The following WHRN variants were observed in gnomAD, a reference collection of about 807,000 sequenced individuals.
WHRN encodes whirlin, also known as CASK-interacting protein CIP98.
In WHRN, 41 loss-of-function variants were observed where a neutral mutation model predicts 68.3. The observed-to-expected ratio is 0.60, with a 90% CI of 0.47 to 0.78. The LOEUF (loss-of-function observed/expected upper bound fraction) is 0.78. WHRN is among the 30% of genes least tolerant of loss of function. The pLI is 0.00. For synonymous variants in WHRN, 560 were observed against 561.3 expected (o/e 1.00, Z 0.03); for missense variants, 1,243 against 1,244.7 (o/e 1.00, Z 0.02).
intron 1 of WHRN, among the ~76,000 whole-genome samples, chr9:114,489,225 A>C (rs1283162398): frequency 6.6e-6 from 1 of 152,214 alleles, no homozygotes; most frequent in Non-Finnish European, 1.5e-5. Flanking sequence ...TGTATCAATA[A>C]ATAGAAAACA....
chr9:114,485,144 G>T (rs1235859336), intron 1 of WHRN, among the ~76,000 whole-genome samples: 1 of 152,208 alleles, frequency 6.6e-6, no homozygotes, highest in East Asian at 1.9e-4. Flanking sequence ...TCAGGGTGCA[G>T]ACCTCAAAGG....
intron 3 of WHRN, among the ~76,000 whole-genome samples, chr9:114,458,715 T>C (rs537215306): frequency 6.6e-6 from 1 of 152,244 alleles, no homozygotes; most frequent in South Asian, 2.1e-4. Context: ...CATCAGCACC[T>C]AGATCTGTGT....
chr9:114,468,778 G>A (rs749569706), intron 2 of WHRN, among the ~76,000 whole-genome samples: 6 of 152,134 alleles, frequency 3.9e-5, no homozygotes, highest in Non-Finnish European at 8.8e-5. Flanking sequence ...AGGCTCTGCG[G>A]ACACTTGGGA....
chr9:114,468,253 G>A (rs1840894371), intron 2 of WHRN, among the ~76,000 whole-genome samples: 1 of 152,228 alleles, frequency 6.6e-6, no homozygotes, highest in Non-Finnish European at 1.5e-5. Context: ...GCCCCTAGCA[G>A]ATGCTCAGTA....
intron 1 of WHRN, among the ~76,000 whole-genome samples, chr9:114,480,231 C>T (rs1228539582): frequency 6.6e-6 from 1 of 151,990 alleles, no homozygotes; most frequent in East Asian, 1.9e-4. Context: ...TGAGGTCTGC[C>T]ATATTGCTTC....
In WHRN at chr9:114,505,028, G is replaced by T. The variant is rs1844283321; in HGVS notation, c.-227C>A. The T allele has an allele frequency of 1.8e-6, 1 of 551,268 alleles. No individual in the cohort carries two copies. Among genetic ancestry groups the T allele is most frequent in the African/African-American group, 2.0e-5 (1 of 50,316 alleles). The allele number at this position is 551,268 out of a possible 1,614,324, so 34.1% of individuals were successfully genotyped here. On this transcript the variant is annotated 5_prime_UTR_variant, in exon 1 of 12. Coordinates refer to ENST00000362057, the MANE Select transcript of WHRN (RefSeq NM_015404.4). ...GGGGGTCGCGAACCTGGAATCCGGGGGACGCGGAGACGTCGGCGGGTTCCT... is the reference window on the plus strand; with the variant it reads ...GGGGGTCGCGAACCTGGAATCCGGGTGACGCGGAGACGTCGGCGGGTTCCT...
chr9:114,476,103 C>G (rs1432799026), intron 2 of WHRN, among the ~76,000 whole-genome samples: 1 of 151,920 alleles, frequency 6.6e-6, no homozygotes, highest in African/African-American at 2.4e-5. Context: ...CAGCTGGGAC[C>G]ACAGACACAT....
intron 1 of WHRN, among the ~76,000 whole-genome samples, chr9:114,500,224 G>A (rs912093081): frequency 5.3e-5 from 8 of 152,184 alleles, no homozygotes; most frequent in Non-Finnish European, 1.0e-4. Flanking sequence ...AGGACTCACA[G>A]GACCCAAGAG....
chr9:114,425,110 A>T, intron 4 of WHRN, 86 bp from the exon 5 acceptor site: 2 of 1,363,968 alleles, frequency 1.5e-6, no homozygotes, highest in Non-Finnish European at 2.1e-6. Flanking sequence ...TGGGGCAGGA[A>T]GAGCAAAGCT....
chr9:114,422,719 CA>C (rs1836416694), intron 7 of WHRN, among the ~76,000 whole-genome samples: 2 of 152,104 alleles, frequency 1.3e-5, no homozygotes, highest in Admixed American at 1.3e-4. Flanking sequence ...CCTGTAATCC[CA>C]GCTACTCAAG....
chr9:114,444,834 T>C (rs1274458329), intron 3 of WHRN, among the ~76,000 whole-genome samples: 2 of 151,812 alleles, frequency 1.3e-5, no homozygotes, highest in East Asian at 3.9e-4. Flanking sequence ...GCAGGATAAA[T>C]GCTAAAATGT....
chr9:114,429,082 C>T (rs1837168104), intron 3 of WHRN, among the ~76,000 whole-genome samples: 1 of 152,158 alleles, frequency 6.6e-6, no homozygotes, highest in Admixed American at 6.5e-5. Context: ...AGGTGCACAC[C>T]ACCACGCCCA....
intron 2 of WHRN, among the ~76,000 whole-genome samples, chr9:114,472,337 T>C (rs1471089886): frequency 6.6e-6 from 1 of 152,232 alleles, no homozygotes; most frequent in African/African-American, 2.4e-5. Context: ...CACTCCTCTG[T>C]AATCTCACAG....
In WHRN at chr9:114,406,880, A is replaced by G. The variant is rs1589065548; in HGVS notation, c.1711T>C (p.Ser571Pro). ...AAGCTTGACAGCCCCTGGGAGGTGG[A>G]TCTGACATCATCCTGCCAAAAGACC... ...LPDVSVDDVR[S>P]TSQGLSSFKP... The change falls in exon 9 of 12, where the codon TCC becomes CCC. Residue 571 changes from serine to proline, a missense_variant. Transcript: ENST00000362057. The G allele has an allele frequency of 6.3e-7, 1 of 1,575,258 alleles. No individual in the cohort carries two copies. Among genetic ancestry groups the G allele is most frequent in the African/African-American group, 1.3e-5 (1 of 74,104 alleles).
intron 3 of WHRN, among the ~76,000 whole-genome samples, chr9:114,456,959 GAT>G (rs1241961749): frequency 6.6e-6 from 1 of 152,122 alleles, no homozygotes; most frequent in Admixed American, 6.5e-5. Context: ...AAAGGGGAAA[GAT>G]AGAATAAACC....
rs748518724 is a variant in WHRN at position 114,424,448 on chromosome 9, C to T, written c.1302G>A (p.Leu434=). The change falls in exon 6 of 12, where the codon CTG becomes CTA. Residue 434 remains leucine, a synonymous_variant. Transcript: ENST00000362057. ...CCATGGTGGCGTGTTCCTGCTCGTTCAGCAGGTGCCGAGCCTGCTCCTCCA... is the reference window on the plus strand; with the variant it reads ...CCATGGTGGCGTGTTCCTGCTCGTTTAGCAGGTGCCGAGCCTGCTCCTCCA... ...VLLEEQARHL[L]NEQEHATMAY... is the part of the protein sequence containing the mutation. 6.2e-7 allele frequency: 1 copy of T among 1,613,720 alleles called. No individual in the cohort carries two copies. The highest frequency in any genetic ancestry group is 8.5e-7 in the Non-Finnish European group (1 of 1,179,976).
Position 114,473,923 on chromosome 9 carries a change from G to A in WHRN, c.837+4630C>T, listed in dbSNP as rs186047207. Among the ~76,000 whole-genome samples, 85 of 151,982 alleles carry A rather than the reference G, an allele frequency of 5.6e-4. 1 individual carries two copies. Among genetic ancestry groups the A allele is most frequent in the Non-Finnish European group, 1.1e-3 (75 of 67,938 alleles). On this transcript the variant is annotated intron_variant, in intron 2 of 11. Transcript: ENST00000362057. The stretch of plus-strand genomic sequence containing the variant: ...GCAGGAGGCATGGAGAAGGGAAGGC[G>A]CCTGCCTCAGAGGAGGGTCTGGAAA...
intron 7 of WHRN, among the ~76,000 whole-genome samples, chr9:114,421,306 G>T (rs539787734): frequency 1.3e-5 from 2 of 152,192 alleles, no homozygotes; most frequent in South Asian, 4.1e-4. Flanking sequence ...CTGGGACAAG[G>T]TTGCTGTGGG....
intron 1 of WHRN, among the ~76,000 whole-genome samples, chr9:114,491,919 T>G (rs1171134846): frequency 1.3e-5 from 2 of 151,622 alleles, no homozygotes; most frequent in Non-Finnish European, 2.9e-5. Flanking sequence ...GCCTCTCTCC[T>G]CCTGGGTCAC....
Sources: allele counts gnomAD v4.1 joint callset (sites outside exome capture counted in the v4.1 genomes callset), GRCh38; gene constraint gnomAD v4.1.1; transcripts MANE v1.5; gene names NCBI Gene and HGNC (gene_info 2026-07-23, HGNC 2026-07-21).